The following RTP2 variants were observed in gnomAD, a reference collection of about 807,000 sequenced individuals.
RTP2 encodes receptor-transporting protein 2.
Under a neutral mutation model 17.9 loss-of-function variants are expected in RTP2, and 12 were observed. The ratio of observed to expected loss-of-function variants is 0.67; its 90% CI spans 0.43 to 1.09. The LOEUF (loss-of-function observed/expected upper bound fraction) is 1.09, where lower values mean the gene tolerates loss of function less well. RTP2 is among the 50% of genes least tolerant of loss of function. The probability of loss-of-function intolerance (pLI) is 0.00; values close to 1 mark genes in which losing one functional copy is unlikely to be tolerated. For synonymous variants in RTP2, 126 were observed against 117.7 expected (o/e 1.07, Z -0.46); for missense variants, 327 against 295.7 (o/e 1.11, Z -0.78).
chr3:187,707,544 A>G (rs945032716), upstream of RTP2, among the ~76,000 whole-genome samples: 1 of 152,222 alleles, frequency 6.6e-6, no homozygotes, highest in Non-Finnish European at 1.5e-5. Context: ...GAAATGACAT[A>G]GAATCATTCT....
At chr3:187,698,943 A>G (rs1409415720) in exon 2 of RTP2, 3 of 1,607,976 alleles carry the variant, frequency 1.9e-6, no homozygotes, top group Admixed American at 1.7e-5. Flanking sequence ...GGCGCGGTCC[A>G]GGAACATGTG....
At chr3:187,703,838 G>A (rs540138047), upstream of RTP2, among the ~76,000 whole-genome samples, 1 of 152,250 alleles carries the variant, frequency 6.6e-6, no homozygotes, top group South Asian at 2.1e-4. Context: ...AATTGTCAGG[G>A]TTTACCTGTA....
upstream of RTP2, among the ~76,000 whole-genome samples, chr3:187,703,390 AT>A (rs571509104): frequency 3.9e-5 from 6 of 152,184 alleles, no homozygotes; most frequent in Non-Finnish European, 8.8e-5. Flanking sequence ...ATGTCACTGG[AT>A]TCTCTCTTGA....
At chr3:187,701,795 C>T (rs113225175) in intron 1 of RTP2, among the ~76,000 whole-genome samples, 170 bp downstream of exon 1, 1,711 of 152,204 alleles carry the variant, frequency 0.011, 33 homozygotes, top group African/African-American at 0.039. Flanking sequence ...AGTGGTATTG[C>T]TAGGATTAAA....
rs779747147 is a variant in RTP2 at position 187,701,984 on chromosome 3, C to G, written c.145G>C (p.Glu49Gln). 5.0e-6 allele frequency: 8 copies of G among 1,607,728 alleles called. No homozygotes were observed. ...TCTCACCTGCCTGAGGCGTGCTGCTCCAGGTACTGCTTCCAGCCAGGGGCC... is the reference window on the plus strand; with the variant it reads ...TCTCACCTGCCTGAGGCGTGCTGCTGCAGGTACTGCTTCCAGCCAGGGGCC... Residue 49 changes from glutamate (E) to glutamine (Q), a missense_variant, in exon 1 of 2, where the codon GAG becomes CAG. By Grantham distance (29) the Glu-to-Gln change is conservative. Coordinates refer to ENST00000358241, the Ensembl canonical transcript of RTP2.
chr3:187,698,905 C>T lies in RTP2; in HGVS notation c.271G>A (p.Val91Ile), dbSNP rs767403644. The T allele has an allele frequency of 2.1e-5, 34 of 1,611,040 alleles. 1 individual carries two copies. The highest frequency in any genetic ancestry group is 2.7e-5 in the Non-Finnish European group (32 of 1,177,722). ...CACTCATAGCACAGCTGCTTGAAGA[C>T]GCGCATGCGCACCGAGCCCGCCCGC... Residue 91 changes from valine to isoleucine, a missense_variant, in exon 2 of 2, where the codon GTC becomes ATC. Physicochemically the swap from Val to Ile is conservative, Grantham distance 29 (BLOSUM62 3). Coordinates refer to ENST00000358241, the Ensembl canonical transcript of RTP2.
At chr3:187,698,704 A>T in exon 2 of RTP2, 2 of 1,614,036 alleles carry the variant, frequency 1.2e-6, no homozygotes, top group South Asian at 1.1e-5. Flanking sequence ...CCCTCCTGGC[A>T]GGCCTCACAG....
the RTP2 span, among the ~76,000 whole-genome samples, chr3:187,710,538 C>CATAT: frequency 1.4e-5 from 2 of 143,592 alleles, no homozygotes; most frequent in African/African-American, 2.7e-5. Flanking sequence ...TGTATATGTG[C>CATAT]ATATATATAT....
At chr3:187,701,986 A>G in exon 1 of RTP2, 1 of 1,608,310 alleles carries the variant, frequency 6.2e-7, no homozygotes, top group Non-Finnish European at 8.5e-7. Flanking sequence ...GTGCTGCTCC[A>G]GGTACTGCTT....
intron 1 of RTP2, among the ~76,000 whole-genome samples, chr3:187,701,095 G>A (rs1717833787): frequency 6.6e-6 from 1 of 152,116 alleles, no homozygotes; most frequent in Admixed American, 6.5e-5. Flanking sequence ...CCACTTACTG[G>A]CCTCTCTTGA....
At chr3:187,707,664 GTTGAGATTT>G in the RTP2 span, among the ~76,000 whole-genome samples, 1 of 152,326 alleles carries the variant, frequency 6.6e-6, no homozygotes, top group East Asian at 1.9e-4. Flanking sequence ...CCCTGGCAAA[GTTGAGATTT>G]TGCCTTAGAG....
At chr3:187,705,164 C>T (rs1202424920), upstream of RTP2, among the ~76,000 whole-genome samples, 1 of 150,656 alleles carries the variant, frequency 6.6e-6, no homozygotes, top group Non-Finnish European at 1.5e-5. Context: ...GTGCTCCATG[C>T]AAGGGAGAAA....
the RTP2 span, among the ~76,000 whole-genome samples, chr3:187,713,727 G>A: frequency 1.3e-5 from 2 of 152,134 alleles, no homozygotes; most frequent in African/African-American, 4.8e-5. Flanking sequence ...GTTGCAGGAG[G>A]GGACCAATCA....
At chr3:187,715,138 A>G in the RTP2 span, among the ~76,000 whole-genome samples, 3 of 152,136 alleles carry the variant, frequency 2.0e-5, no homozygotes, top group Non-Finnish European at 4.4e-5. Context: ...CTTACTCTGA[A>G]TCCCTCGCCA....
chr3:187,706,136 A>G (rs1250868186), upstream of RTP2, among the ~76,000 whole-genome samples: 1 of 152,220 alleles, frequency 6.6e-6, no homozygotes, highest in Non-Finnish European at 1.5e-5. Flanking sequence ...TGGAAAGAGC[A>G]TAACTACACA....
At chr3:187,704,053 C>T (rs954982784), upstream of RTP2, among the ~76,000 whole-genome samples, 4 of 152,168 alleles carry the variant, frequency 2.6e-5, no homozygotes, top group Admixed American at 2.6e-4. Flanking sequence ...GATTTAAGAG[C>T]TCACAAATGT....
chr3:187,700,731 T>C (rs1717823529), intron 1 of RTP2, among the ~76,000 whole-genome samples: 1 of 152,182 alleles, frequency 6.6e-6, no homozygotes, highest in Admixed American at 6.5e-5. Flanking sequence ...CAGCCCTTTA[T>C]TTCACTGAGA....
Position 187,699,766 on chromosome 3 carries a change from CACACACACACACACACATAT to C in RTP2, c.165-775_165-756del, listed in dbSNP as rs1400930321. On this transcript the variant is annotated intron_variant, in intron 1 of 1. Transcript: ENST00000358241. Reference sequence around the variant, plus strand: ...ACACACACACACACACACACACACACACACACACACACACACATATATTTTCTCTCTCTCTCTTACATGCA... The same window carrying C: ...ACACACACACACACACACACACACACATTTTCTCTCTCTCTCTTACATGCA... Among the ~76,000 whole-genome samples the C allele has an allele frequency of 4.6e-4, 26 of 56,336 alleles. No homozygotes were observed. In the South Asian group the frequency reaches 7.2e-3, roughly 16 times the overall value. The allele number at this position is 56,336 out of a possible 152,430, so 37.0% of individuals were successfully genotyped here.
chr3:187,715,524 G>A, the RTP2 span: 4 of 345,236 alleles, frequency 1.2e-5, no homozygotes, highest in South Asian at 2.2e-5. Flanking sequence ...TATTATTTCC[G>A]AGGAACTAAT....
Sources: gnomAD v4.1 joint callset for allele counts (sites outside exome capture counted in the v4.1 genomes callset) on GRCh38, gnomAD v4.1.1 for gene constraint, MANE v1.5 for transcripts, NCBI Gene and HGNC (gene_info 2026-07-23, HGNC 2026-07-21) for gene names.